Variants in FMNL3 observed in about 807,000 individuals in gnomAD.
FMNL3 encodes formin-like protein 3.
FMNL3 carries 57 observed loss-of-function variants against 119.6 expected under a neutral mutation model. The observed-to-expected ratio is 0.48, with a 90% CI of 0.39 to 0.59. FMNL3 has a LOEUF of 0.59. Ranked by LOEUF, FMNL3 falls within the 20% of genes least tolerant of loss-of-function variation. The pLI, the probability that FMNL3 is intolerant of heterozygous loss-of-function variation, is 0.00. For missense variants in FMNL3, 1,053 were observed against 1,323.5 expected, an observed-to-expected ratio of 0.80 and a Z score of 3.17; for synonymous variants, 491 against 507.3, an observed-to-expected ratio of 0.97 and a Z score of 0.43.
rs1592648954 is a variant in FMNL3, at chr12:49,655,107, T to C, written c.886-123A>G. Reference sequence around the variant, plus strand: ...CAGACCAAGCTTAACCACAGCTCTATATATGAAATAGGCCATTCTGGACAC... The same window carrying C: ...CAGACCAAGCTTAACCACAGCTCTACATATGAAATAGGCCATTCTGGACAC... On this transcript the variant is annotated intron_variant, in intron 9 of 25. Coordinates refer to ENST00000335154, the MANE Select transcript of FMNL3 (RefSeq NM_175736.5). 9.6e-6 allele frequency: 8 copies of C among 830,138 alleles called. No homozygotes were observed. The South Asian group carries it at 1.0e-4, about 10-fold the overall frequency. The allele number at this position is 830,138 out of a possible 1,614,324, so 51.4% of individuals were successfully genotyped here.
Position 49,653,854 on chromosome 12 carries a change from G to C in FMNL3, c.1092C>G (p.Ser364Arg). Residue 364 changes from serine to arginine, a missense_variant, in exon 12 of 26, where the codon AGC becomes AGG. Around this residue, in one of 4 missense-constraint regions of FMNL3, gnomAD observed 445 missense variants for 628.4 expected, o/e 0.71. Transcript: ENST00000335154. Reference protein sequence around the residue: ...EFLQKSRHTESEKLQVQIQAY... With the variant: ...EFLQKSRHTEREKLQVQIQAY... ...CCTGAATCTGCACCTGCAGCTTCTC[G>C]CTCTCTGTGTGCCTTGACTTCTGGG... 1 of 1,614,142 alleles carries C rather than the reference G, an allele frequency of 6.2e-7. No individual in the cohort carries two copies. The highest frequency in any genetic ancestry group is 8.5e-7 in the Non-Finnish European group (1 of 1,180,030).
rs372186109 is a variant in FMNL3, at chr12:49,689,682, C to T, written c.126+17373G>A. Reference sequence around the variant, plus strand: ...AGTAAGCCATGATCACACTATTGCACTTCAACCTGGGTGACAGAGCAAGCC... The same window carrying T: ...AGTAAGCCATGATCACACTATTGCATTTCAACCTGGGTGACAGAGCAAGCC... On this transcript the variant is annotated intron_variant, in intron 1 of 25. Transcript: ENST00000335154. Among the ~76,000 whole-genome samples, 47 of 152,340 alleles carry T rather than the reference C, an allele frequency of 3.1e-4. No homozygotes were observed. In the South Asian group the frequency reaches 9.3e-3, roughly 30 times the overall value.
intron 15 of FMNL3, 40 bp from the exon 16 acceptor site, chr12:49,651,332 C>T: frequency 1.2e-6 from 2 of 1,604,508 alleles, no homozygotes; most frequent in Non-Finnish European, 1.7e-6. Context: ...GGGCCAAGGA[C>T]ACACACCCCT....
chr12:49,655,900 A>G (rs950123684), intron 9 of FMNL3, among the ~76,000 whole-genome samples: 2 of 152,146 alleles, frequency 1.3e-5, no homozygotes, highest in Admixed American at 1.3e-4. Context: ...GGCTGGGGGA[A>G]ATTCCACACA....
chr12:49,650,532 A>T lies in FMNL3; in HGVS notation c.2000+144T>A, dbSNP rs530990174. ...CTGAACTGCCAGCACAGATGCAGTA[A>T]ATTCTAGCCAAGCCAGTGGATGACT... On this transcript the variant is annotated intron_variant, in intron 17 of 25. Transcript: ENST00000335154. 1.1e-4 allele frequency: 103 copies of T among 920,952 alleles called. No homozygotes were observed. In the South Asian group the frequency reaches 1.6e-3, roughly 15 times the overall value. The allele number at this position is 920,952 out of a possible 1,614,324, so 57.0% of individuals were successfully genotyped here.
chr12:49,683,654 G>A (rs1944389925), intron 1 of FMNL3, among the ~76,000 whole-genome samples: 1 of 152,034 alleles, frequency 6.6e-6, no homozygotes, highest in South Asian at 2.1e-4. Context: ...CCACTCAGCT[G>A]CCTACCTCCA....
At chr12:49,678,238 A>G (rs1944245654) in intron 1 of FMNL3, among the ~76,000 whole-genome samples, 1 of 149,892 alleles carries the variant, frequency 6.7e-6, no homozygotes, top group Admixed American at 6.6e-5. Context: ...GCTCACCACA[A>G]CCTCTGCCTC....
chr12:49,653,897 G>T, intron 11 of FMNL3, 23 bp from the exon 12 acceptor site: 1 of 1,613,058 alleles, frequency 6.2e-7, no homozygotes, highest in Non-Finnish European at 8.5e-7. Flanking sequence ...CAGAGAGTAG[G>T]AGTAGTTGTA....
intron 1 of FMNL3, among the ~76,000 whole-genome samples, chr12:49,679,619 T>C (rs1230921819): frequency 6.7e-6 from 1 of 150,300 alleles, no homozygotes; most frequent in Non-Finnish European, 1.5e-5. Context: ...CTCGACCTCT[T>C]GGGCTCAGGT....
rs1252833820 is a variant in FMNL3 at position 49,638,561 on chromosome 12, A to G, written c.*7254T>C. 6.6e-6 allele frequency: 1 copy of G among 152,206 alleles called. No individual in the cohort carries two copies. The highest frequency in any genetic ancestry group is 2.4e-5 in the African/African-American group (1 of 41,460). 9.4% of individuals were successfully genotyped at this position (152,206 alleles called of 1,614,324 possible). A position where few individuals can be genotyped will look rare whatever the true frequency, so the allele number is the denominator to read the frequency against. On this transcript the variant is annotated 3_prime_UTR_variant, in exon 26 of 26. Coordinates refer to ENST00000335154, the MANE Select transcript of FMNL3 (RefSeq NM_175736.5). Reference sequence around the variant, plus strand: ...AGTTCTCAATATTTACATCTTATCAAAAGTGGAAAAGTGAGTGAGTGATGG... The same window carrying G: ...AGTTCTCAATATTTACATCTTATCAGAAGTGGAAAAGTGAGTGAGTGATGG...
In FMNL3 at chr12:49,642,476, A is replaced by G; in HGVS notation, c.*3339T>C. ...CACGTCACAGCCCTGGGCCAGCTCCAGTTCCCTTCCTTTCTCTGCCCCAGC... is the reference window on the plus strand; with the variant it reads ...CACGTCACAGCCCTGGGCCAGCTCCGGTTCCCTTCCTTTCTCTGCCCCAGC... On this transcript the variant is annotated 3_prime_UTR_variant, in exon 26 of 26. Transcript: ENST00000335154. The surrounding 1 kb of genome is among the most constrained non-coding windows in gnomAD (Gnocchi z 5.8). 2 of 1,574,944 alleles carry G rather than the reference A, an allele frequency of 1.3e-6. No homozygotes were observed. The highest frequency in any genetic ancestry group is 1.7e-6 in the Non-Finnish European group (2 of 1,147,348).
At chr12:49,703,019 C>T (rs773062616) in intron 1 of FMNL3, among the ~76,000 whole-genome samples, 4 of 152,188 alleles carry the variant, frequency 2.6e-5, no homozygotes, top group Admixed American at 6.5e-5. Flanking sequence ...TGTCAGTCAT[C>T]ACCAGGGAAA....
rs752122892 is a variant in FMNL3 at position 49,648,246 on chromosome 12, T to C, written c.2623A>G (p.Ser875Gly). ...HDNSVLRNFL[S>G]TNEGKLDKLQ... ...TTGTCTAGTTTGCCTTCATTGGTAC[T>C]GAGGAAGTTCCGGAGGACGCTGTTG... Residue 875 changes from serine to glycine, a missense_variant, in exon 22 of 26, where the codon AGT becomes GGT. By Grantham distance (56) the Ser-to-Gly change is moderately conservative. Coordinates refer to ENST00000335154, the MANE Select transcript of FMNL3 (RefSeq NM_175736.5). The C allele has an allele frequency of 1.8e-5, 29 of 1,613,972 alleles. No homozygotes were observed. Among genetic ancestry groups the C allele is most frequent in the Non-Finnish European group, 2.3e-5 (27 of 1,179,996 alleles).
chr12:49,681,139 C>T (rs2138946662), intron 1 of FMNL3, among the ~76,000 whole-genome samples: 1 of 152,372 alleles, frequency 6.6e-6, no homozygotes, highest in Middle Eastern at 3.4e-3. Context: ...GTGCACAGTA[C>T]AGATGCAAGG....
At chr12:49,697,836 AT>A (rs1388392291) in intron 1 of FMNL3, among the ~76,000 whole-genome samples, 2 of 151,992 alleles carry the variant, frequency 1.3e-5, no homozygotes, top group African/African-American at 4.8e-5. Flanking sequence ...AAGTTACAGG[AT>A]TTGCCTAAAG....
Position 49,707,045 on chromosome 12 carries a change from CA to C in FMNL3, c.126+9del. Reference sequence around the variant, plus strand: ...GGTACGCGGGGGAAGGGGCTGGGCTCAGCTCTCACCAGCACCAGGGCGAACC... The same window carrying C: ...GGTACGCGGGGGAAGGGGCTGGGCTCGCTCTCACCAGCACCAGGGCGAACC... On this transcript the variant is annotated intron_variant, in intron 1 of 25. Transcript: ENST00000335154. 6.4e-7 allele frequency: 1 copy of C among 1,572,372 alleles called. No individual in the cohort carries two copies. Among genetic ancestry groups the C allele is most frequent in the African/African-American group, 1.3e-5 (1 of 74,292 alleles).
At chr12:49,699,017 G>C (rs1464970714) in intron 1 of FMNL3, among the ~76,000 whole-genome samples, 1 of 152,152 alleles carries the variant, frequency 6.6e-6, no homozygotes, top group African/African-American at 2.4e-5. Context: ...AAAGAAAAAG[G>C]TCCTCCCCTT....
Position 49,643,251 on chromosome 12 carries a change from C to T in FMNL3, c.*2564G>A. The T allele has an allele frequency of 6.2e-7, 1 of 1,614,058 alleles. No homozygotes were observed. Among genetic ancestry groups the T allele is most frequent in the Non-Finnish European group, 8.5e-7 (1 of 1,179,984 alleles). Reference sequence around the variant, plus strand: ...TCTGAGTCAGAAGAAGAGGAGCTGCCCCCACCATCTCTCCGGCCCCCCAAG... The same window carrying T: ...TCTGAGTCAGAAGAAGAGGAGCTGCTCCCACCATCTCTCCGGCCCCCCAAG... On this transcript the variant is annotated 3_prime_UTR_variant, in exon 26 of 26. Coordinates refer to ENST00000335154, the MANE Select transcript of FMNL3 (RefSeq NM_175736.5).
Position 49,642,243 on chromosome 12 carries a change from G to C in FMNL3, c.*3572C>G. 1 of 1,614,204 alleles carries C rather than the reference G, an allele frequency of 6.2e-7. No individual in the cohort carries two copies. The highest frequency in any genetic ancestry group is 2.2e-5 in the East Asian group (1 of 44,884). ...GTCCCTTCTTTCCTCAGCTGCTGGA[G>C]AAAGCAGAGGCACGGGAGAGGGAGC... On this transcript the variant is annotated 3_prime_UTR_variant, in exon 26 of 26. Transcript: ENST00000335154. This position sits in a 1 kb window ranked among gnomAD's most constrained non-coding sequence, Gnocchi z 5.8.
Sources: gnomAD v4.1 joint callset for allele counts (sites outside exome capture counted in the v4.1 genomes callset) on GRCh38, gnomAD v4.1.1 for gene constraint, gnomAD v4.1.1 regional missense constraint, Gnocchi (gnomAD v3.1) non-coding constraint, MANE v1.5 for transcripts, NCBI Gene and HGNC (gene_info 2026-07-23, HGNC 2026-07-21) for gene names.